The following RALGPS2 variants were observed in gnomAD, a reference collection of about 807,000 sequenced individuals.
The protein encoded by RALGPS2 is Ral GEF with PH domain and SH3 binding motif 2.
A neutral mutation model predicts 86.8 loss-of-function variants in RALGPS2; 43 were observed. The ratio of observed to expected loss-of-function variants is 0.50; its 90% CI spans 0.39 to 0.64. The LOEUF (loss-of-function observed/expected upper bound fraction) is 0.64, where lower values mean the gene tolerates loss of function less well. RALGPS2 is among the 30% of genes least tolerant of loss of function. RALGPS2 has a pLI of 0.00. For synonymous variants in RALGPS2, 243 were observed against 231.3 expected (o/e 1.05, Z -0.46); for missense variants, 536 against 694.6 (o/e 0.77, Z 2.57).
At chr1:178,782,484 T>C (rs944095235) in intron 2 of RALGPS2, among the ~76,000 whole-genome samples, 3 of 152,192 alleles carry the variant, frequency 2.0e-5, no homozygotes, top group Admixed American at 2.0e-4. Flanking sequence ...CCTAACCTAC[T>C]TGGGAGAGGA....
intron 1 of RALGPS2, among the ~76,000 whole-genome samples, chr1:178,773,589 A>T (rs1047138481): frequency 6.6e-6 from 1 of 152,088 alleles, no homozygotes; most frequent in African/African-American, 2.4e-5. Flanking sequence ...ACATTATTAA[A>T]TACTATTGAC....
At chr1:178,869,370 G>T (rs1011909848) in intron 8 of RALGPS2, 3 of 152,036 alleles carry the variant, frequency 2.0e-5, no homozygotes, top group African/African-American at 7.2e-5. Context: ...GTTAGATAAA[G>T]AATTTCTAGA....
chr1:178,831,029 G>A (rs1655993057), intron 7 of RALGPS2, among the ~76,000 whole-genome samples: 1 of 152,106 alleles, frequency 6.6e-6, no homozygotes, highest in Non-Finnish European at 1.5e-5. Flanking sequence ...ATATCACAAT[G>A]TTATATGAAC....
chr1:178,862,757 G>T (rs1658124367), intron 8 of RALGPS2, among the ~76,000 whole-genome samples: 1 of 152,090 alleles, frequency 6.6e-6, no homozygotes, highest in Non-Finnish European at 1.5e-5. Flanking sequence ...AAGGAAACTA[G>T]TGGAAGGTCC....
intron 8 of RALGPS2, among the ~76,000 whole-genome samples, chr1:178,839,480 C>A (rs984354792): frequency 1.3e-5 from 2 of 152,128 alleles, no homozygotes. Flanking sequence ...TTTGTCACCA[C>A]CAGGCCTGCC....
At chr1:178,726,084 C>T (rs1649982673) in intron 1 of RALGPS2, 1 of 152,400 alleles carries the variant, frequency 6.6e-6, no homozygotes, top group Non-Finnish European at 1.5e-5. Context: ...GGTCGGCTTG[C>T]TCTACGGCCT....
chr1:178,882,961 G>A (rs537119406), intron 10 of RALGPS2, among the ~76,000 whole-genome samples: 2 of 152,272 alleles, frequency 1.3e-5, no homozygotes, highest in East Asian at 1.9e-4. Flanking sequence ...ACATATGAAA[G>A]TTTCTGAATT....
intron 1 of RALGPS2, chr1:178,747,896 C>T: frequency 1.8e-6 from 1 of 543,692 alleles, no homozygotes; most frequent in Non-Finnish European, 3.3e-6. Flanking sequence ...AGTGAACTAG[C>T]ACTACCTATC....
chr1:178,740,307 A>G (rs1352823818), intron 1 of RALGPS2, among the ~76,000 whole-genome samples: 1 of 152,204 alleles, frequency 6.6e-6, no homozygotes, highest in Non-Finnish European at 1.5e-5. Flanking sequence ...TCTACAGTAC[A>G]TTGCAGAAGA....
chr1:178,823,497 G>A (rs1369344695), intron 7 of RALGPS2, among the ~76,000 whole-genome samples: 1 of 152,168 alleles, frequency 6.6e-6, no homozygotes, highest in East Asian at 1.9e-4. Context: ...TATGTAACAT[G>A]GTAAGAGAAT....
intron 8 of RALGPS2, among the ~76,000 whole-genome samples, chr1:178,858,302 C>A (rs960411884): frequency 1.3e-5 from 2 of 152,126 alleles, no homozygotes; most frequent in African/African-American, 4.8e-5. Flanking sequence ...AAATTAGATT[C>A]TCTATTGTCC....
intron 1 of RALGPS2, among the ~76,000 whole-genome samples, chr1:178,742,440 A>T (rs1290646553): frequency 2.0e-5 from 3 of 152,232 alleles, no homozygotes; most frequent in Non-Finnish European, 4.4e-5. Flanking sequence ...CCCTAATAAC[A>T]GAATTTCAAA....
At chr1:178,750,260 A>T (rs1651580541) in intron 1 of RALGPS2, among the ~76,000 whole-genome samples, 1 of 152,210 alleles carries the variant, frequency 6.6e-6, no homozygotes, top group South Asian at 2.1e-4. Context: ...GCAGCTATTC[A>T]GTTCTGCTTT....
Position 178,807,536 on chromosome 1 carries a change from T to C in RALGPS2, c.214-509T>C, listed in dbSNP as rs554930876. The stretch of plus-strand genomic sequence containing the variant: ...CTGTCTTATTTCAGTTAGAGGTTAG[T>C]GTAAAATGAAAATTAATTTTTTAAT... On this transcript the variant is annotated intron_variant, in intron 4 of 19. Coordinates refer to ENST00000367635, the MANE Select transcript of RALGPS2 (RefSeq NM_152663.5). Among the ~76,000 whole-genome samples, 30 of 152,298 alleles carry C rather than the reference T, an allele frequency of 2.0e-4. No homozygotes were observed. The South Asian group carries it at 6.2e-3, about 32-fold the overall frequency.
At chr1:178,811,087 A>G (rs1055329718) in intron 5 of RALGPS2, among the ~76,000 whole-genome samples, 73 of 152,108 alleles carry the variant, frequency 4.8e-4, no homozygotes, top group African/African-American at 1.7e-3. Flanking sequence ...TTGATATTTT[A>G]TTTACACCAA....
At chr1:178,728,402 C>CTTTT (rs67007360) in intron 1 of RALGPS2, among the ~76,000 whole-genome samples, 4,029 of 129,430 alleles carry the variant, frequency 0.031, 92 homozygotes, top group African/African-American at 0.047. Context: ...CGAAAGTATG[C>CTTTT]TTTTTTTTTT....
chr1:178,748,436 T>G (rs1651463123), intron 1 of RALGPS2, among the ~76,000 whole-genome samples: 1 of 152,094 alleles, frequency 6.6e-6, no homozygotes, highest in Admixed American at 6.6e-5. Context: ...AGTCACAAAC[T>G]GGAAAAAATG....
intron 2 of RALGPS2, 40 bp downstream of exon 2, chr1:178,776,861 T>G: frequency 6.5e-7 from 1 of 1,541,392 alleles, no homozygotes; most frequent in Non-Finnish European, 8.9e-7. Context: ...GTTTCTTACC[T>G]GGCTTTCTAA....
Position 178,906,831 on chromosome 1 carries a change from G to A in RALGPS2, c.1686G>A (p.Lys562=), listed in dbSNP as rs1660406097. ...GAATGAATGCAATGTTATGGTTTAA[G>A]CATTTGAGTGCAGCCTGCCAAAGTA... ...GNRMNAMLWF[K]HLSAACQSNK... The change falls in exon 19 of 20, where the codon AAG becomes AAA. Residue 562 remains lysine, a synonymous_variant. Transcript: ENST00000367635. The A allele has an allele frequency of 6.2e-7, 1 of 1,613,040 alleles. No individual in the cohort carries two copies. The highest frequency in any genetic ancestry group is 8.5e-7 in the Non-Finnish European group (1 of 1,179,652).
Sources: allele counts gnomAD v4.1 joint callset (sites outside exome capture counted in the v4.1 genomes callset), GRCh38; gene constraint gnomAD v4.1.1; transcripts MANE v1.5; gene names NCBI Gene and HGNC (gene_info 2026-07-23, HGNC 2026-07-21).